The following TP73 variants were observed in gnomAD, a reference collection of about 807,000 sequenced individuals.
TP73 encodes p53-like transcription factor.
In TP73, 25 loss-of-function variants were observed where a neutral mutation model predicts 62.5. That is an observed-to-expected ratio of 0.40 (90% CI 0.29 to 0.56). TP73 has a LOEUF of 0.56. Among genes scored for constraint, TP73 ranks in the 20% least tolerant of loss-of-function variants. The pLI, the probability that TP73 is intolerant of heterozygous loss-of-function variation, is 0.46. For missense variants in TP73, 754 were observed against 913.3 expected, an observed-to-expected ratio of 0.83 and a Z score of 2.25; for synonymous variants, 423 against 377.5, an observed-to-expected ratio of 1.12 and a Z score of -1.40.
chr1:3,698,716 G>A (rs1356069281), intron 3 of TP73, among the ~76,000 whole-genome samples: 1 of 152,176 alleles, frequency 6.6e-6, no homozygotes, highest in African/African-American at 2.4e-5. Flanking sequence ...GCCACAGTGG[G>A]CGGCTCAAAT....
chr1:3,665,816 G>A (rs1448410270), intron 1 of TP73, among the ~76,000 whole-genome samples: 8 of 122,442 alleles, frequency 6.5e-5, no homozygotes, highest in East Asian at 4.9e-4. Flanking sequence ...CACCGTGCCC[G>A]GCCTTTTTTT....
rs1641806175 is a variant in TP73, at chr1:3,727,893, C to A, written c.985+123C>A. 9.4e-6 allele frequency: 13 copies of A among 1,385,994 alleles called. No homozygotes were observed. The South Asian group carries it at 1.3e-4, about 14-fold the overall frequency. 85.9% of individuals were successfully genotyped at this position (1,385,994 alleles called of 1,614,324 possible). On this transcript the variant is annotated intron_variant, in intron 8 of 13. Coordinates refer to ENST00000378295, the MANE Select transcript of TP73 (RefSeq NM_005427.4). ...CCCTGAACGGCCCCCCACGCCCAGA[C>A]TCCTCCCTGACGGAGCCTGAGAGCA...
intron 1 of TP73, among the ~76,000 whole-genome samples, chr1:3,661,003 T>C (rs1644976266): frequency 6.6e-6 from 1 of 152,242 alleles, no homozygotes; most frequent in Admixed American, 6.5e-5. Flanking sequence ...TGAATATATA[T>C]CCATGCAAAT....
At chr1:3,709,216 G>A (rs756861897) in intron 4 of TP73, among the ~76,000 whole-genome samples, 10 of 152,130 alleles carry the variant, frequency 6.6e-5, no homozygotes, top group Non-Finnish European at 1.0e-4. Flanking sequence ...TGCTGGCTCC[G>A]GGCTAAGAGA....
chr1:3,724,204 G>A (rs896701387), intron 6 of TP73, among the ~76,000 whole-genome samples: 2 of 152,118 alleles, frequency 1.3e-5, no homozygotes, highest in Non-Finnish European at 2.9e-5. Context: ...CAGAGGGTTT[G>A]AAGTTACTGC....
intron 4 of TP73, among the ~76,000 whole-genome samples, chr1:3,710,423 G>A (rs1250477560): frequency 6.6e-6 from 1 of 152,148 alleles, no homozygotes; most frequent in Non-Finnish European, 1.5e-5. Context: ...GGGGCCGCCG[G>A]GCAGCCCGCT....
At chr1:3,728,577 A>T (rs567523243) in intron 9 of TP73, among the ~76,000 whole-genome samples, 1 of 152,228 alleles carries the variant, frequency 6.6e-6, no homozygotes. Context: ...GCCAGCCCCC[A>T]TGAGTGTGCC....
rs567240656 is a variant in TP73, at chr1:3,696,073, GGAGGAC to G, written c.187-11473_187-11468del. On this transcript the variant is annotated intron_variant, in intron 3 of 13. Transcript: ENST00000378295. This position sits in a 1 kb window ranked among gnomAD's most constrained non-coding sequence, Gnocchi z 4.1. ...GCTGAGAAGGAGCCGCATGCAGGGAGGAGGACGACGAGCGAGCAGTTCCCAAAGCCC... is the reference window on the plus strand; with the variant it reads ...GCTGAGAAGGAGCCGCATGCAGGGAGGACGAGCGAGCAGTTCCCAAAGCCC... 2.3e-4 allele frequency among the ~76,000 whole-genome samples: 35 copies of G among 152,348 alleles called. No homozygotes were observed. In the South Asian group the frequency reaches 7.2e-3, roughly 32 times the overall value.
At position 3,707,539 on chromosome 1, in the gene TP73, C is replaced by T; in HGVS notation, c.187-10C>T. ...TGTTTCCCCCTCCCTCCTCCCCTTT[C>T]CCGCGCCAGGCCCAGTTCAATCTGC... On this transcript the variant is annotated splice_polypyrimidine_tract_variant and intron_variant, in intron 3 of 13. Transcript: ENST00000378295. 6 of 1,600,650 alleles carry T rather than the reference C, an allele frequency of 3.7e-6. No individual in the cohort carries two copies. The highest frequency in any genetic ancestry group is 5.1e-6 in the Non-Finnish European group (6 of 1,169,988).
chr1:3,655,406 A>T (rs538101269), intron 1 of TP73, among the ~76,000 whole-genome samples: 11 of 152,212 alleles, frequency 7.2e-5, no homozygotes, highest in African/African-American at 2.6e-4. Context: ...CGCAAAAAAT[A>T]CTTTTGGTGT....
At chr1:3,679,502 CCT>C (rs1259051216) in intron 1 of TP73, among the ~76,000 whole-genome samples, 4 of 149,530 alleles carry the variant, frequency 2.7e-5, no homozygotes, top group Non-Finnish European at 6.0e-5. Context: ...TGTCTCTCTC[CCT>C]GTCTCTCTGT....
intron 12 of TP73, 86 bp from the exon 13 acceptor site, chr1:3,731,377 C>A: frequency 7.2e-7 from 1 of 1,380,896 alleles, no homozygotes; most frequent in South Asian, 1.2e-5. Context: ...GTCTCCGCCC[C>A]AGCCAGGCCA....
intron 1 of TP73, among the ~76,000 whole-genome samples, chr1:3,674,192 A>G (rs999261488): frequency 1.3e-5 from 2 of 152,102 alleles, no homozygotes; most frequent in African/African-American, 4.8e-5. Flanking sequence ...GGGGTCGGGC[A>G]TTTTGGTTTG....
At chr1:3,683,723 A>C (rs1043329448) in intron 3 of TP73, among the ~76,000 whole-genome samples, 1 of 152,354 alleles carries the variant, frequency 6.6e-6, no homozygotes, top group Admixed American at 6.5e-5. Context: ...ATAGTCCAGC[A>C]GTCCTGCCTC....
intron 1 of TP73, among the ~76,000 whole-genome samples, chr1:3,653,874 A>C (rs1363814482): frequency 1.3e-5 from 2 of 152,246 alleles, no homozygotes; most frequent in Non-Finnish European, 2.9e-5. Context: ...AGTTTTTAAA[A>C]TAAGATAAAA....
chr1:3,679,015 G>A (rs888129900), intron 1 of TP73, among the ~76,000 whole-genome samples: 4 of 152,178 alleles, frequency 2.6e-5, no homozygotes, highest in Non-Finnish European at 5.9e-5. Flanking sequence ...GGGTGGGATC[G>A]GGGACCCACG....
intron 3 of TP73, among the ~76,000 whole-genome samples, chr1:3,694,951 C>T (rs1293618069): frequency 1.3e-5 from 2 of 151,932 alleles, no homozygotes; most frequent in African/African-American, 4.8e-5. Context: ...GCCCCTCCTC[C>T]TGCAATCCCA....
At chr1:3,668,947 G>A (rs1313933568) in intron 1 of TP73, among the ~76,000 whole-genome samples, 1 of 152,198 alleles carries the variant, frequency 6.6e-6, no homozygotes, top group African/African-American at 2.4e-5. Flanking sequence ...GCAGGTGCTG[G>A]CTCCAGGCCC....
At position 3,727,663 on chromosome 1, in the gene TP73, G is replaced by A. The variant is rs2124520679; in HGVS notation, c.878G>A (p.Arg293His). 6.3e-7 allele frequency: 1 copy of A among 1,599,060 alleles called. No homozygotes were observed. Among genetic ancestry groups the A allele is most frequent in the Non-Finnish European group, 8.5e-7 (1 of 1,175,320 alleles). Residue 293 changes from arginine to histidine, a missense_variant, in exon 8 of 14, where the codon CGC becomes CAC. Arg to His is a conservative substitution (Grantham distance 29). Around this residue, in one of 3 missense-constraint regions of TP73, gnomAD observed 458 missense variants for 528.7 expected, o/e 0.87. Coordinates refer to ENST00000378295, the MANE Select transcript of TP73 (RefSeq NM_005427.4). ...QVLGRRSFEG[R>H]ICACPGRDRK... ...CTGGGCCGCCGGTCCTTTGAGGGCC[G>A]CATCTGCGCCTGTCCTGGCCGCGAC...
Sources: allele counts gnomAD v4.1 joint callset (sites outside exome capture counted in the v4.1 genomes callset), GRCh38; gene constraint gnomAD v4.1.1; regional missense constraint gnomAD v4.1.1; non-coding constraint Gnocchi (gnomAD v3.1); transcripts MANE v1.5; gene names NCBI Gene and HGNC (gene_info 2026-07-23, HGNC 2026-07-21).